Variants in HTT observed in about 807,000 individuals in gnomAD.
HTT encodes huntingtin, also known as huntington disease protein.
A neutral mutation model predicts 362.3 loss-of-function variants in HTT; 104 were observed. The observed-to-expected ratio is 0.29, with a 90% confidence interval of 0.24 to 0.34. The LOEUF (loss-of-function observed/expected upper bound fraction) is 0.34. Among genes scored for constraint, HTT ranks in the 10% least tolerant of loss-of-function variants. The probability of loss-of-function intolerance (pLI) is 1.00; values close to 1 mark genes in which losing one functional copy is unlikely to be tolerated. For missense variants in HTT, 3,301 were observed against 3,928.6 expected (o/e 0.84, Z 4.27); for synonymous variants, 1,577 against 1,548.7 (o/e 1.02, Z -0.43).
chr4:3,121,544 C>A, intron 9 of HTT, 112 bp downstream of exon 9: 1 of 694,344 alleles, frequency 1.4e-6, no homozygotes, highest in Admixed American at 2.9e-5. Context: ...ATCTTCCTTG[C>A]CAAAACTTAT....
At position 3,180,669 on chromosome 4, in the gene HTT, T is replaced by C. The variant is rs1216470223; in HGVS notation, c.4749+18T>C. ...ACCATCAGGTAAGAGGAATGTATGTTGGAACTGTCGTGGATACTTTATTGA... is the reference window on the plus strand; with the variant it reads ...ACCATCAGGTAAGAGGAATGTATGTCGGAACTGTCGTGGATACTTTATTGA... On this transcript the variant is annotated intron_variant, in intron 36 of 66. Coordinates refer to ENST00000355072, the MANE Select transcript of HTT (RefSeq NM_001388492.1). 1.2e-6 allele frequency: 2 copies of C among 1,608,928 alleles called. No individual in the cohort carries two copies. Among genetic ancestry groups the C allele is most frequent in the African/African-American group, 1.3e-5 (1 of 74,484 alleles).
intron 6 of HTT, among the ~76,000 whole-genome samples, chr4:3,114,176 G>A (rs925256437): frequency 6.6e-6 from 1 of 152,266 alleles, no homozygotes; most frequent in African/African-American, 2.4e-5. Context: ...GCAGGAGCAT[G>A]TCCTTAAGGC....
chr4:3,134,975 G>A (rs1355325859), intron 19 of HTT, among the ~76,000 whole-genome samples: 1 of 152,016 alleles, frequency 6.6e-6, no homozygotes, highest in African/African-American at 2.4e-5. Context: ...CTCCATCTTG[G>A]CCTCCCAAAG....
chr4:3,152,826 T>C (rs892884301), intron 26 of HTT, among the ~76,000 whole-genome samples: 13 of 151,462 alleles, frequency 8.6e-5, no homozygotes, highest in Non-Finnish European at 1.8e-4. Flanking sequence ...TTTTTTTTTT[T>C]TTTTTTTAGT....
At chr4:3,193,421 G>C (rs1719108299) in intron 40 of HTT, among the ~76,000 whole-genome samples, 2 of 152,232 alleles carry the variant, frequency 1.3e-5, no homozygotes, top group Non-Finnish European at 2.9e-5. Flanking sequence ...TTTGCCACCA[G>C]TTGGTTTGGA....
In HTT at chr4:3,173,076, G is replaced by A. The variant is rs1718066667; in HGVS notation, c.4111G>A (p.Ala1371Thr). 1 of 1,614,080 alleles carries A rather than the reference G, an allele frequency of 6.2e-7. No individual in the cohort carries two copies. Among genetic ancestry groups the A allele is most frequent in the Non-Finnish European group, 8.5e-7 (1 of 1,180,046 alleles). The change falls in exon 31 of 67, where the codon GCT becomes ACT. Residue 1371 changes from alanine to threonine, a missense_variant. Physicochemically the swap from Ala to Thr is moderately conservative, Grantham distance 58. This residue lies in a region of HTT where 2,316 missense variants were observed against 2,658.5 expected (regional missense o/e 0.87). Coordinates refer to ENST00000355072, the MANE Select transcript of HTT (RefSeq NM_001388492.1). ...APYTHFTQAL[A>T]DASLRNMVQA... ...GTACACCCACTTCACCCAGGCCCTC[G>A]CTGACGCCAGCCTGAGGAACATGGT...
chr4:3,083,870 A>T (rs1016582666), intron 1 of HTT, among the ~76,000 whole-genome samples: 1 of 152,190 alleles, frequency 6.6e-6, no homozygotes, highest in African/African-American at 2.4e-5. Flanking sequence ...ATAATATCTA[A>T]GAACTGGAAT....
intron 59 of HTT, among the ~76,000 whole-genome samples, chr4:3,229,310 ACACACACACAC>A (rs1721100365): frequency 6.9e-6 from 1 of 145,150 alleles, no homozygotes; most frequent in Non-Finnish European, 1.5e-5. Context: ...CACCACACAC[ACACACACACAC>A]CACACACACC....
intron 2 of HTT, among the ~76,000 whole-genome samples, chr4:3,093,757 T>C (rs1254317060): frequency 1.3e-5 from 2 of 151,038 alleles, no homozygotes; most frequent in African/African-American, 4.9e-5. Flanking sequence ...ATTGGAGTGA[T>C]GAAGCTATAA....
Position 3,208,851 on chromosome 4 carries a change from C to CTCT in HTT, c.6234_6236dup (p.Ser2079dup), listed in dbSNP as rs530688555. 188 of 1,614,178 alleles carry CTCT rather than the reference C, an allele frequency of 1.2e-4. 1 individual carries two copies. The South Asian group carries it at 1.9e-3, about 17-fold the overall frequency. On this transcript the variant is annotated inframe_insertion, in exon 46 of 67. Transcript: ENST00000355072. ...ACTCACTTAGTCCCTCTCCTCCAGT[C>CTCT]TCTTCCCACCCGCTGGACGGGGATG...
chr4:3,225,645 G>T lies in HTT; in HGVS notation c.7766-16G>T, dbSNP rs766282289. 1.2e-6 allele frequency: 2 copies of T among 1,612,326 alleles called. No individual in the cohort carries two copies. The highest frequency in any genetic ancestry group is 1.7e-6 in the Non-Finnish European group (2 of 1,178,476). On this transcript the variant is annotated splice_polypyrimidine_tract_variant and intron_variant, in intron 56 of 66. Transcript: ENST00000355072. ...CCCCCTGTGCAGATCAAGACTCAGG[G>T]TGCTGGTGTTCACAGGTGCCCTCAT...
In HTT at chr4:3,206,156, C is replaced by T. The variant is rs1308530098; in HGVS notation, c.5719-340C>T. On this transcript the variant is annotated intron_variant, in intron 42 of 66. Transcript: ENST00000355072. The surrounding 1 kb of genome is among the most constrained non-coding windows in gnomAD (Gnocchi z 4.6). ...TGTGGATGGGGTCATCCCAGCGCAACGCTGCCCCTGCTACCTGCGGATCTC... is the reference window on the plus strand; with the variant it reads ...TGTGGATGGGGTCATCCCAGCGCAATGCTGCCCCTGCTACCTGCGGATCTC... Among the ~76,000 whole-genome samples, 1 of 152,220 alleles carries T rather than the reference C, an allele frequency of 6.6e-6. No individual in the cohort carries two copies. Among genetic ancestry groups the T allele is most frequent in the East Asian group, 1.9e-4 (1 of 5,204 alleles).
At chr4:3,233,110 A>C in intron 60 of HTT, 53 bp from the exon 61 acceptor site, 1 of 1,478,822 alleles carries the variant, frequency 6.8e-7, no homozygotes, top group Non-Finnish European at 9.2e-7. Context: ...GGGAGGAGCC[A>C]CTGGGACGTG....
intron 28 of HTT, among the ~76,000 whole-genome samples, chr4:3,158,067 C>T (rs1717245464): frequency 1.7e-5 from 2 of 116,982 alleles, no homozygotes; most frequent in Non-Finnish European, 3.6e-5. Flanking sequence ...CCATGCCTCC[C>T]TGCAGTCTCA....
At chr4:3,104,403 G>A (rs965800923) in intron 4 of HTT, among the ~76,000 whole-genome samples, 2 of 151,998 alleles carry the variant, frequency 1.3e-5, no homozygotes, top group African/African-American at 2.4e-5. Flanking sequence ...GAGATCAGGA[G>A]TTCGAGACCA....
chr4:3,200,048 T>C, intron 41 of HTT, 109 bp downstream of exon 41: 2 of 799,272 alleles, frequency 2.5e-6, no homozygotes, highest in South Asian at 3.5e-5. Context: ...TTTCCATTTT[T>C]TGTGAGGGCT....
intron 12 of HTT, chr4:3,128,614 T>C (rs1578520444): frequency 6.6e-6 from 1 of 152,202 alleles, no homozygotes; most frequent in South Asian, 2.1e-4. Flanking sequence ...AAAAAACTTT[T>C]ACAACATTTC....
chr4:3,204,717 C>G (rs549136521), intron 42 of HTT, among the ~76,000 whole-genome samples: 64 of 152,254 alleles, frequency 4.2e-4, no homozygotes, highest in African/African-American at 1.4e-3. Flanking sequence ...CCTGTAATCA[C>G]AGCTCTTTGA....
intron 40 of HTT, among the ~76,000 whole-genome samples, chr4:3,197,125 G>C (rs572265166): frequency 2.8e-4 from 42 of 152,250 alleles, no homozygotes; most frequent in Middle Eastern, 3.4e-3. Flanking sequence ...GGTCTTCTCT[G>C]TCTAGCCACT....
Sources: gnomAD v4.1 joint callset for allele counts (sites outside exome capture counted in the v4.1 genomes callset) on GRCh38, gnomAD v4.1.1 for gene constraint, gnomAD v4.1.1 regional missense constraint, Gnocchi (gnomAD v3.1) non-coding constraint, MANE v1.5 for transcripts, NCBI Gene and HGNC (gene_info 2026-07-23, HGNC 2026-07-21) for gene names.